Variants in SNX27 observed in about 807,000 individuals in gnomAD.
SNX27 encodes sorting nexin 27, also known as sorting nexin-27.
In SNX27, 22 loss-of-function variants were observed where a neutral mutation model predicts 71.6. That is an observed-to-expected ratio of 0.31 (90% confidence interval 0.22 to 0.44). SNX27 has a LOEUF of 0.44. Ranked by LOEUF, SNX27 falls within the 20% of genes least tolerant of loss-of-function variation. The pLI is 1.00. For synonymous variants in SNX27, 269 were observed against 277.2 expected, an observed-to-expected ratio of 0.97 and a Z score of 0.29; for missense variants, 531 against 698.6, an observed-to-expected ratio of 0.76 and a Z score of 2.70.
intron 7 of SNX27, among the ~76,000 whole-genome samples, chr1:151,670,331 G>T (rs1670407048): frequency 6.6e-6 from 1 of 152,236 alleles, no homozygotes. Context: ...AATCTTGACT[G>T]TTGTGAACTG....
At chr1:151,691,872 T>A (rs1671469096) in intron 8 of SNX27, among the ~76,000 whole-genome samples, 1 of 151,482 alleles carries the variant, frequency 6.6e-6, no homozygotes, top group Admixed American at 6.6e-5. Flanking sequence ...GTTTCCTTAC[T>A]TATGGCAAAA....
At chr1:151,676,533 T>G (rs1670710909) in intron 7 of SNX27, 1 of 151,968 alleles carries the variant, frequency 6.6e-6, no homozygotes, top group Admixed American at 6.6e-5. Flanking sequence ...CTCAAACTCC[T>G]GGGCTCAAGC....
chr1:151,619,908 G>A (rs1173655359), intron 1 of SNX27, among the ~76,000 whole-genome samples: 1 of 152,170 alleles, frequency 6.6e-6, no homozygotes, highest in African/African-American at 2.4e-5. Flanking sequence ...AATTTGCTGT[G>A]TGTAAAGCTA....
intron 2 of SNX27, among the ~76,000 whole-genome samples, chr1:151,642,445 T>A (rs1175874352): frequency 1.3e-5 from 2 of 152,142 alleles, no homozygotes; most frequent in African/African-American, 2.4e-5. Context: ...TTTCATTTTT[T>A]AAAACAGTAT....
intron 2 of SNX27, among the ~76,000 whole-genome samples, chr1:151,639,756 A>G (rs1256447310): frequency 1.3e-5 from 2 of 152,204 alleles, no homozygotes; most frequent in Admixed American, 1.3e-4. Flanking sequence ...GATGTGTGCT[A>G]GCCCCTTTGC....
chr1:151,696,575 T>C lies in SNX27; in HGVS notation c.*2158T>C, dbSNP rs1374735205. 6.6e-6 allele frequency: 1 copy of C among 151,390 alleles called. No homozygotes were observed. The highest frequency in any genetic ancestry group is 1.5e-5 in the Non-Finnish European group (1 of 67,904). The allele number at this position is 151,390 out of a possible 1,614,324, so 9.4% of individuals were successfully genotyped here. A position where few individuals can be genotyped will look rare whatever the true frequency, so the allele number is the denominator to read the frequency against. On this transcript the variant is annotated 3_prime_UTR_variant, in exon 12 of 12. Coordinates refer to ENST00000458013, the MANE Select transcript of SNX27 (RefSeq NM_001330723.2). The stretch of plus-strand genomic sequence containing the variant: ...TCTTTCTTTTGCTTTCCTTCTTTCA[T>C]CTCTTTTTTGTAATTTGTTGTTGCA...
chr1:151,620,289 C>A (rs753711896), intron 1 of SNX27, among the ~76,000 whole-genome samples: 3 of 152,072 alleles, frequency 2.0e-5, no homozygotes, highest in African/African-American at 4.8e-5. Context: ...TGCATTAATA[C>A]CCAGGACTTC....
chr1:151,638,570 A>G (rs1482687502), intron 1 of SNX27, among the ~76,000 whole-genome samples: 1 of 152,162 alleles, frequency 6.6e-6, no homozygotes, highest in Non-Finnish European at 1.5e-5. Flanking sequence ...AGGAAATTGG[A>G]TTGTTTGACT....
intron 7 of SNX27, among the ~76,000 whole-genome samples, chr1:151,675,158 T>G (rs1670625408): frequency 6.6e-6 from 1 of 152,162 alleles, no homozygotes; most frequent in Non-Finnish European, 1.5e-5. Flanking sequence ...TCCATTTTTT[T>G]TTTTCAGGTT....
At chr1:151,636,676 A>G (rs1403965614) in intron 1 of SNX27, among the ~76,000 whole-genome samples, 5 of 151,476 alleles carry the variant, frequency 3.3e-5, no homozygotes, top group Non-Finnish European at 7.4e-5. Context: ...TAAAAAAAAA[A>G]AAAAAAAAAA....
intron 7 of SNX27, among the ~76,000 whole-genome samples, chr1:151,682,801 G>A (rs573650412): frequency 7.9e-5 from 12 of 152,290 alleles, no homozygotes; most frequent in South Asian, 2.1e-4. Flanking sequence ...TTGGGAGGTC[G>A]AGGCGGGCAG....
At chr1:151,618,177 A>G (rs78635688) in intron 1 of SNX27, among the ~76,000 whole-genome samples, 2,854 of 152,012 alleles carry the variant, frequency 0.019, 88 homozygotes, top group African/African-American at 0.066. Flanking sequence ...ATTCAGTTAC[A>G]TTCATATAAA....
intron 6 of SNX27, 128 bp from the exon 7 acceptor site, chr1:151,668,344 T>C (rs374841826): frequency 5.9e-6 from 5 of 846,576 alleles, no homozygotes; most frequent in African/African-American, 5.2e-5. Flanking sequence ...GCAGAACTCC[T>C]TGGTGGATTT....
rs2102633311 is a variant in SNX27 at position 151,639,026 on chromosome 1, G to T, written c.450G>T (p.Leu150Phe). The T allele has an allele frequency of 6.2e-7, 1 of 1,614,134 alleles. No homozygotes were observed. The highest frequency in any genetic ancestry group is 1.1e-5 in the South Asian group (1 of 91,088). ...ACCTAGATCCCAGTGACGACTCGTT[G>T]GGACAATCATTTTATGATTACACAG... The part of the protein sequence containing the change: ...ADNLDPSDDS[L>F]GQSFYDYTEK... The change falls in exon 2 of 12, where the codon TTG (leucine) becomes TTT (phenylalanine). Residue 150 changes from leucine to phenylalanine, a missense_variant. By Grantham distance (22) the Leu-to-Phe change is conservative (BLOSUM62 0). This residue lies in a region of SNX27 where 47 missense variants were observed against 41.4 expected (regional missense o/e 1.13). Coordinates refer to ENST00000458013, the MANE Select transcript of SNX27 (RefSeq NM_001330723.2).
rs1671618251 is a variant in SNX27, at chr1:151,694,590, A to T, written c.*173A>T. The stretch of plus-strand genomic sequence containing the variant: ...CCCCTCTGAATTTCATGTCTCTGGA[A>T]TTGAGGTGGTAGTGAACAGCAGATC... On this transcript the variant is annotated 3_prime_UTR_variant, in exon 12 of 12. Transcript: ENST00000458013. The T allele has an allele frequency of 1.6e-6, 1 of 637,460 alleles. No homozygotes were observed. Among genetic ancestry groups the T allele is most frequent in the African/African-American group, 1.9e-5 (1 of 53,336 alleles). The allele number at this position is 637,460 out of a possible 1,614,324, so 39.5% of individuals were successfully genotyped here.
intron 1 of SNX27, among the ~76,000 whole-genome samples, chr1:151,615,471 A>G (rs1667385324): frequency 6.6e-6 from 1 of 151,988 alleles, no homozygotes; most frequent in South Asian, 2.1e-4. Flanking sequence ...TGTGCCCGCT[A>G]CTTGTCTCGA....
intron 2 of SNX27, among the ~76,000 whole-genome samples, chr1:151,657,980 A>G (rs1669778135): frequency 1.3e-5 from 2 of 152,172 alleles, no homozygotes; most frequent in African/African-American, 4.8e-5. Context: ...CAGCCCGGGC[A>G]ACAGAGTGAG....
intron 2 of SNX27, among the ~76,000 whole-genome samples, chr1:151,642,102 T>C (rs1668802512): frequency 6.6e-6 from 1 of 151,340 alleles, no homozygotes; most frequent in Non-Finnish European, 1.5e-5. Flanking sequence ...GGCGCAGTGG[T>C]TCATGCCTGT....
intron 1 of SNX27, among the ~76,000 whole-genome samples, chr1:151,638,195 C>T (rs982393306): frequency 6.6e-6 from 1 of 152,164 alleles, no homozygotes; most frequent in African/African-American, 2.4e-5. Context: ...GGACTGATTA[C>T]ACAGGACTCT....
Sources: allele counts gnomAD v4.1 joint callset (sites outside exome capture counted in the v4.1 genomes callset), GRCh38; gene constraint gnomAD v4.1.1; regional missense constraint gnomAD v4.1.1; transcripts MANE v1.5; gene names NCBI Gene and HGNC (gene_info 2026-07-23, HGNC 2026-07-21).